Variants in RALGAPA2 observed in about 807,000 individuals in gnomAD.
The protein encoded by RALGAPA2 is ral GTPase-activating protein subunit alpha-2.
Under a neutral mutation model 230.4 loss-of-function variants are expected in RALGAPA2, and 139 were observed. The ratio of observed to expected loss-of-function variants is 0.60; its 90% confidence interval spans 0.53 to 0.69. RALGAPA2 has a LOEUF of 0.69. Ranked by LOEUF, RALGAPA2 falls within the 30% of genes least tolerant of loss-of-function variation. RALGAPA2 has a pLI of 0.00. For synonymous variants in RALGAPA2, 847 were observed against 837.8 expected, an observed-to-expected ratio of 1.01 and a Z score of -0.19; for missense variants, 2,163 against 2,276.0, an observed-to-expected ratio of 0.95 and a Z score of 1.01.
Position 20,505,432 on chromosome 20 carries a change from A to G in RALGAPA2, c.5031T>C (p.Phe1677=), listed in dbSNP as rs1360628781. The part of the protein sequence containing the change: ...NERGSQAYED[F]VAGLGWEVDL... ...TTACCTCCCATCCAAGTCCAGCAACAAAGTCTTCATATGCTTGGCTTCCTC... is the reference window on the plus strand; with the variant it reads ...TTACCTCCCATCCAAGTCCAGCAACGAAGTCTTCATATGCTTGGCTTCCTC... Residue 1677 remains phenylalanine (F), a synonymous_variant, in exon 34 of 40, where the codon TTT becomes TTC. Transcript: ENST00000202677. The G allele has an allele frequency of 3.1e-6, 5 of 1,600,808 alleles. No individual in the cohort carries two copies. The highest frequency in any genetic ancestry group is 4.3e-6 in the Non-Finnish European group (5 of 1,173,284).
At chr20:20,605,014 A>G (rs750538383) in intron 15 of RALGAPA2, among the ~76,000 whole-genome samples, 161 bp downstream of exon 15, 2 of 152,200 alleles carry the variant, frequency 1.3e-5, no homozygotes, top group Non-Finnish European at 2.9e-5. Context: ...TCATTAAGGG[A>G]ACAGAATGAT....
chr20:20,424,664 C>T (rs898428610), intron 37 of RALGAPA2, among the ~76,000 whole-genome samples: 3 of 152,078 alleles, frequency 2.0e-5, no homozygotes, highest in South Asian at 2.1e-4. Flanking sequence ...GACAACAAAA[C>T]GGAAAATAAT....
At chr20:20,460,756 C>T (rs2061282783) in intron 37 of RALGAPA2, among the ~76,000 whole-genome samples, 2 of 152,180 alleles carry the variant, frequency 1.3e-5, no homozygotes, top group Admixed American at 6.5e-5. Flanking sequence ...CGGTTCAGCT[C>T]GTGCACACAT....
chr20:20,395,966 C>T (rs2059706179), intron 39 of RALGAPA2, among the ~76,000 whole-genome samples: 1 of 152,218 alleles, frequency 6.6e-6, no homozygotes, highest in Non-Finnish European at 1.5e-5. Context: ...AACTGCTCGC[C>T]TTCCGCCTGT....
chr20:20,403,900 T>C (rs559300131), intron 38 of RALGAPA2, among the ~76,000 whole-genome samples: 1 of 152,220 alleles, frequency 6.6e-6, no homozygotes, highest in African/African-American at 2.4e-5. Flanking sequence ...TCCTTTTCCA[T>C]ATCCTCAGGC....
chr20:20,420,803 G>A (rs976170543), intron 37 of RALGAPA2, among the ~76,000 whole-genome samples: 2 of 152,176 alleles, frequency 1.3e-5, no homozygotes, highest in African/African-American at 4.8e-5. Context: ...CCACGGATGC[G>A]TTTTAAACCT....
rs556624272 is a variant in RALGAPA2, at chr20:20,468,328, C to T, written c.5495+4501G>A. Among the ~76,000 whole-genome samples the T allele has an allele frequency of 3.9e-5, 6 of 152,296 alleles. No homozygotes were observed. In the South Asian group the frequency reaches 8.3e-4, roughly 21 times the overall value. On this transcript the variant is annotated intron_variant, in intron 37 of 39. Transcript: ENST00000202677. ...AGAAATTTGGATTAGAAAAGCATGG[C>T]CATCCCTCCCATCTGGGGGTATAAC...
chr20:20,688,092 G>T (rs1050395756), intron 1 of RALGAPA2, among the ~76,000 whole-genome samples: 1 of 152,130 alleles, frequency 6.6e-6, no homozygotes, highest in African/African-American at 2.4e-5. Context: ...TCATTAAACA[G>T]GAGGTATACC....
intron 37 of RALGAPA2, among the ~76,000 whole-genome samples, chr20:20,443,316 C>T (rs960642244): frequency 3.3e-5 from 5 of 152,092 alleles, no homozygotes; most frequent in African/African-American, 7.2e-5. Flanking sequence ...GGTGAGAATG[C>T]GGGAAGCAGT....
Position 20,584,860 on chromosome 20 carries a change from C to G in RALGAPA2, c.2530+5G>C. 1 of 1,593,180 alleles carries G rather than the reference C, an allele frequency of 6.3e-7. No individual in the cohort carries two copies. The highest frequency in any genetic ancestry group is 8.6e-7 in the Non-Finnish European group (1 of 1,162,498). ...TTGGAGGAACAGACATTTCCCGGAA[C>G]TTACTCTTCTGTCTTTCCCTACATT... On this transcript the variant is annotated splice_donor_5th_base_variant and intron_variant, in intron 19 of 39. Coordinates refer to ENST00000202677, the MANE Select transcript of RALGAPA2 (RefSeq NM_020343.4).
At chr20:20,434,273 A>G (rs115734868) in intron 37 of RALGAPA2, among the ~76,000 whole-genome samples, 1 of 152,306 alleles carries the variant, frequency 6.6e-6, no homozygotes, top group African/African-American at 2.4e-5. Context: ...AAATGCCAGT[A>G]GTTCCTCTGT....
intron 24 of RALGAPA2, among the ~76,000 whole-genome samples, chr20:20,543,745 G>A (rs955297177): frequency 3.9e-5 from 6 of 151,998 alleles, no homozygotes; most frequent in African/African-American, 7.3e-5. Flanking sequence ...CGGGGGGAGC[G>A]GGGAGGGATA....
chr20:20,583,342 G>T, intron 19 of RALGAPA2, 116 bp from the exon 20 acceptor site: 1 of 1,161,548 alleles, frequency 8.6e-7, no homozygotes, highest in Non-Finnish European at 1.2e-6. Context: ...AATCATTCAT[G>T]TTCTTTGGCA....
At chr20:20,428,859 A>G (rs929025731) in intron 37 of RALGAPA2, among the ~76,000 whole-genome samples, 9 of 151,246 alleles carry the variant, frequency 6.0e-5, no homozygotes, top group Admixed American at 6.6e-5. Flanking sequence ...AGATGTAAGG[A>G]AAGTACTTCC....
chr20:20,574,159 T>C (rs1227298737), intron 20 of RALGAPA2, among the ~76,000 whole-genome samples: 1 of 152,214 alleles, frequency 6.6e-6, no homozygotes, highest in Non-Finnish European at 1.5e-5. Flanking sequence ...CATGCAGCAG[T>C]ATCTCACTGA....
chr20:20,396,764 A>T (rs1296557775), intron 38 of RALGAPA2, 30 bp from the exon 39 acceptor site: 1 of 1,481,526 alleles, frequency 6.7e-7, no homozygotes, highest in Non-Finnish European at 9.2e-7. Context: ...AATGGAATGA[A>T]TACAAACACA....
At chr20:20,426,621 A>T (rs1358426461) in intron 37 of RALGAPA2, among the ~76,000 whole-genome samples, 1 of 152,208 alleles carries the variant, frequency 6.6e-6, no homozygotes, top group Non-Finnish European at 1.5e-5. Context: ...CTTAAGAAGC[A>T]ACAGGGCTCA....
At chr20:20,554,531 C>T (rs952997817) in intron 23 of RALGAPA2, among the ~76,000 whole-genome samples, 1 of 152,122 alleles carries the variant, frequency 6.6e-6, no homozygotes, top group Non-Finnish European at 1.5e-5. Flanking sequence ...TTTATATCTT[C>T]TCTGGAGAAG....
intron 37 of RALGAPA2, among the ~76,000 whole-genome samples, chr20:20,414,136 C>T (rs1252749703): frequency 1.3e-5 from 2 of 152,208 alleles, no homozygotes; most frequent in Admixed American, 6.5e-5. Flanking sequence ...CTGAGCGAGG[C>T]GTGACAAATT....
Sources: allele counts gnomAD v4.1 joint callset (sites outside exome capture counted in the v4.1 genomes callset), GRCh38; gene constraint gnomAD v4.1.1; transcripts MANE v1.5; gene names NCBI Gene and HGNC (gene_info 2026-07-23, HGNC 2026-07-21).